RPS6KC1: variants seen among roughly 807,000 people sequenced by gnomAD.
RPS6KC1 encodes the protein inactive ribosomal protein S6 kinase delta-1.
A neutral mutation model predicts 103.8 loss-of-function variants in RPS6KC1; 54 were observed. That is an observed-to-expected ratio of 0.52 (90% CI 0.42 to 0.65). The LOEUF (loss-of-function observed/expected upper bound fraction) is 0.65. Ranked by LOEUF, RPS6KC1 falls within the 30% of genes least tolerant of loss-of-function variation. The pLI is 0.00. For missense variants in RPS6KC1, 1,151 were observed against 1,253.8 expected (o/e 0.92, Z 1.24); for synonymous variants, 439 against 438.7 (o/e 1.00, Z -0.01).
At chr1:213,592,855 C>T in the RPS6KC1 span, among the ~76,000 whole-genome samples, 5 of 152,020 alleles carry the variant, frequency 3.3e-5, no homozygotes, top group Non-Finnish European at 4.4e-5. Context: ...GATTAATGAA[C>T]AAGATAATTT....
At chr1:213,285,696 A>G in the RPS6KC1 span, among the ~76,000 whole-genome samples, 1 of 152,198 alleles carries the variant, frequency 6.6e-6, no homozygotes, top group African/African-American at 2.4e-5. Flanking sequence ...ATGTGGTGCT[A>G]TGATCTGAAT....
chr1:213,276,756 A>G (rs2095113395), downstream of RPS6KC1, among the ~76,000 whole-genome samples: 1 of 152,216 alleles, frequency 6.6e-6, no homozygotes, highest in South Asian at 2.1e-4. Flanking sequence ...TAAAATTACA[A>G]TTAAAATGAG....
the RPS6KC1 span, among the ~76,000 whole-genome samples, chr1:213,655,039 A>AT: frequency 6.6e-6 from 1 of 151,924 alleles, no homozygotes; most frequent in South Asian, 2.1e-4. Flanking sequence ...TGTTTTATGT[A>AT]TTTTTTCTTT....
the RPS6KC1 span, among the ~76,000 whole-genome samples, chr1:213,717,599 GT>G: frequency 6.6e-6 from 1 of 152,176 alleles, no homozygotes; most frequent in Non-Finnish European, 1.5e-5. Context: ...AAGCAAAGGA[GT>G]TTAGACTTCA....
chr1:213,588,764 A>G, the RPS6KC1 span, among the ~76,000 whole-genome samples: 11,253 of 152,018 alleles, frequency 0.074, 660 homozygotes, highest in African/African-American at 0.16. Context: ...CTTTCTTCCA[A>G]TGGAAATAAA....
chr1:213,083,290 G>T (rs2080074999), intron 3 of RPS6KC1, among the ~76,000 whole-genome samples: 2 of 152,170 alleles, frequency 1.3e-5, no homozygotes, highest in South Asian at 4.1e-4. Flanking sequence ...AGCTCAGAGG[G>T]CAGAGCCATA....
the RPS6KC1 span, among the ~76,000 whole-genome samples, chr1:213,409,374 C>T: frequency 6.6e-6 from 1 of 152,092 alleles, no homozygotes; most frequent in Non-Finnish European, 1.5e-5. Flanking sequence ...CTGAGGAAGG[C>T]CAGGTATGCC....
At chr1:213,518,660 C>G in the RPS6KC1 span, among the ~76,000 whole-genome samples, 1 of 152,204 alleles carries the variant, frequency 6.6e-6, no homozygotes. Flanking sequence ...TACCTGTGAC[C>G]TGTTAATGTT....
chr1:213,272,758 G>A lies in RPS6KC1; in HGVS notation c.*124G>A. 1 of 659,088 alleles carries A rather than the reference G, an allele frequency of 1.5e-6. No individual in the cohort carries two copies. The highest frequency in any genetic ancestry group is 2.7e-6 in the Non-Finnish European group (1 of 371,512). The allele number at this position is 659,088 out of a possible 1,614,324, so 40.8% of individuals were successfully genotyped here. Reference sequence around the variant, plus strand: ...AAGCATTTGGATAAAGACCGTTATAGGAAATGGGGGGGAAATGGCTAAAAG... The same window carrying A: ...AAGCATTTGGATAAAGACCGTTATAAGAAATGGGGGGGAAATGGCTAAAAG... On this transcript the variant is annotated 3_prime_UTR_variant, in exon 15 of 15. Coordinates refer to ENST00000366960, the MANE Select transcript of RPS6KC1 (RefSeq NM_012424.6).
At chr1:213,500,353 C>T in the RPS6KC1 span, among the ~76,000 whole-genome samples, 1 of 152,120 alleles carries the variant, frequency 6.6e-6, no homozygotes, top group Non-Finnish European at 1.5e-5. Flanking sequence ...GCACTAACGG[C>T]GCGGCCATCT....
the RPS6KC1 span, among the ~76,000 whole-genome samples, chr1:213,665,453 A>C: frequency 6.6e-6 from 1 of 152,108 alleles, no homozygotes; most frequent in Non-Finnish European, 1.5e-5. Flanking sequence ...AGAAATTAGA[A>C]TATAATTTCC....
chr1:213,447,700 C>G, the RPS6KC1 span, among the ~76,000 whole-genome samples: 1 of 152,116 alleles, frequency 6.6e-6, no homozygotes, highest in East Asian at 1.9e-4. Context: ...AGGGTGGGCC[C>G]TACTTTAGGA....
chr1:213,241,346 C>T lies in RPS6KC1; in HGVS notation c.1870C>T (p.Leu624=). The change falls in exon 11 of 15, where the codon CTA becomes TTA. Residue 624 remains leucine (L), a synonymous_variant. Transcript: ENST00000366960. Reference sequence around the variant, plus strand: ...TGACTTTGGAGAAAAATTGTATAGTCTAAAATCAGAACCTTTGAAACCATT... The same window carrying T: ...TGACTTTGGAGAAAAATTGTATAGTTTAAAATCAGAACCTTTGAAACCATT... ...GLDFGEKLYS[L]KSEPLKPFFT... 1 of 1,613,920 alleles carries T rather than the reference C, an allele frequency of 6.2e-7. No homozygotes were observed. The highest frequency in any genetic ancestry group is 8.5e-7 in the Non-Finnish European group (1 of 1,179,930).
At chr1:213,314,013 C>G in the RPS6KC1 span, among the ~76,000 whole-genome samples, 1 of 152,132 alleles carries the variant, frequency 6.6e-6, no homozygotes, top group Non-Finnish European at 1.5e-5. Flanking sequence ...GCTACGAGTT[C>G]ACAATCGAGG....
In RPS6KC1 at chr1:213,117,380, A is replaced by G. The variant is rs772000767; in HGVS notation, c.442A>G (p.Ile148Val). ...GPAEAHSDSLIDTFPECSTEG... is the reference protein window; with the variant it reads ...GPAEAHSDSLVDTFPECSTEG... ...TGCTGAAGCTCACTCAGATTCCCTCATTGATACCTTTCCTGAGTGTAGTAC... is the reference window on the plus strand; with the variant it reads ...TGCTGAAGCTCACTCAGATTCCCTCGTTGATACCTTTCCTGAGTGTAGTAC... Residue 148 changes from isoleucine to valine, a missense_variant, in exon 5 of 15, where the codon ATT becomes GTT. Around this residue, in one of 3 missense-constraint regions of RPS6KC1, gnomAD observed 959 missense variants for 1,006.3 expected, o/e 0.95. Transcript: ENST00000366960. The G allele has an allele frequency of 1.9e-6, 3 of 1,609,790 alleles. No individual in the cohort carries two copies. Among genetic ancestry groups the G allele is most frequent in the African/African-American group, 2.7e-5 (2 of 74,792 alleles).
chr1:213,352,000 G>A, the RPS6KC1 span, among the ~76,000 whole-genome samples: 2 of 151,728 alleles, frequency 1.3e-5, no homozygotes, highest in Non-Finnish European at 2.9e-5. Context: ...TTTTTAATGA[G>A]GAGATTGGTG....
the RPS6KC1 span, among the ~76,000 whole-genome samples, chr1:213,619,621 G>T: frequency 2.0e-5 from 3 of 152,208 alleles, no homozygotes; most frequent in Non-Finnish European, 4.4e-5. Context: ...TCAGGAGGAG[G>T]TAATACCTAA....
At chr1:213,240,641 T>G (rs2094329371) in intron 10 of RPS6KC1, 61 bp from the exon 11 acceptor site, 1 of 1,409,076 alleles carries the variant, frequency 7.1e-7, no homozygotes, top group East Asian at 2.3e-5. Context: ...TCTAATGGCT[T>G]AAATAACTGT....
At chr1:213,285,430 A>G in the RPS6KC1 span, among the ~76,000 whole-genome samples, 2 of 152,208 alleles carry the variant, frequency 1.3e-5, no homozygotes, top group Non-Finnish European at 2.9e-5. Context: ...TAAGAAACCT[A>G]GTAGAGAATG....
Sources: allele counts gnomAD v4.1 joint callset (sites outside exome capture counted in the v4.1 genomes callset), GRCh38; gene constraint gnomAD v4.1.1; regional missense constraint gnomAD v4.1.1; transcripts MANE v1.5; gene names NCBI Gene and HGNC (gene_info 2026-07-23, HGNC 2026-07-21).